The following EEFSEC variants were observed in gnomAD, a reference collection of about 807,000 sequenced individuals.
EEFSEC encodes the protein selenocysteine-specific elongation factor.
Under a neutral mutation model 42.1 loss-of-function variants are expected in EEFSEC, and 43 were observed. That is an observed-to-expected ratio of 1.02 (90% CI 0.80 to 1.32). EEFSEC has a LOEUF of 1.32. Among genes scored for constraint, EEFSEC ranks in the 40% most tolerant of loss-of-function variants. EEFSEC has a pLI of 0.00. For missense variants in EEFSEC, 745 were observed against 803.6 expected (o/e 0.93, Z 0.88); for synonymous variants, 354 against 339.1 (o/e 1.04, Z -0.48).
rs757850564 is a variant in EEFSEC at position 128,341,369 on chromosome 3, C to T, written c.923C>T (p.Ser308Phe). 17 of 1,614,070 alleles carry T rather than the reference C, an allele frequency of 1.1e-5. No homozygotes were observed. In the South Asian group the frequency reaches 1.9e-4, roughly 18 times the overall value. Residue 308 changes from serine (S) to phenylalanine (F), a missense_variant, in exon 5 of 7, where the codon TCC becomes TTC. Transcript: ENST00000254730. ...CGCGGGTTGGTGTGTGCCCCCGAGT[C>T]CCTGCACACTGTCCATGCGGCCCTC... ...LERGLVCAPE[S>F]LHTVHAALIS...
chr3:128,341,121 C>T (rs1576652648), intron 4 of EEFSEC, 112 bp from the exon 5 acceptor site: 13 of 1,326,356 alleles, frequency 9.8e-6, no homozygotes, highest in African/African-American at 2.9e-5. Context: ...CTGGTCCTCA[C>T]GGTGCCTGCA....
At chr3:128,191,757 G>C (rs1432180044) in intron 1 of EEFSEC, among the ~76,000 whole-genome samples, 1 of 152,120 alleles carries the variant, frequency 6.6e-6, no homozygotes, top group African/African-American at 2.4e-5. Flanking sequence ...TGTCCTCAAG[G>C]TTCATCCACG....
chr3:128,334,994 T>G (rs2067174562), intron 4 of EEFSEC, among the ~76,000 whole-genome samples: 1 of 152,206 alleles, frequency 6.6e-6, no homozygotes, highest in African/African-American at 2.4e-5. Context: ...TGGTAGACTC[T>G]TTACCCTTGG....
intron 1 of EEFSEC, among the ~76,000 whole-genome samples, chr3:128,197,580 C>T (rs1049656751): frequency 1.2e-4 from 18 of 152,132 alleles, no homozygotes; most frequent in Non-Finnish European, 2.5e-4. Context: ...GCCGGAAATA[C>T]GCATTTTTAC....
chr3:128,406,593 A>G (rs939740592), intron 6 of EEFSEC, among the ~76,000 whole-genome samples: 1 of 152,190 alleles, frequency 6.6e-6, no homozygotes, highest in African/African-American at 2.4e-5. Flanking sequence ...CAAAATGTAT[A>G]CATATATTAA....
chr3:128,357,630 G>A (rs764016889), intron 5 of EEFSEC, among the ~76,000 whole-genome samples: 6 of 152,172 alleles, frequency 3.9e-5, no homozygotes, highest in Non-Finnish European at 7.4e-5. Flanking sequence ...CAGCGGGTGG[G>A]AGACAAAGGC....
chr3:128,408,281 G>A lies in EEFSEC; in HGVS notation c.*22G>A, dbSNP rs547019247. ...CTGAGTGTCCGGTGACCTCCCCCAG[G>A]GCCTCCTTGCCCAGCCCAGTCCAGG... On this transcript the variant is annotated 3_prime_UTR_variant, in exon 7 of 7. Coordinates refer to ENST00000254730, the MANE Select transcript of EEFSEC (RefSeq NM_021937.5). The A allele has an allele frequency of 4.5e-6, 7 of 1,538,714 alleles. No homozygotes were observed. In the South Asian group the frequency reaches 8.7e-5, roughly 19 times the overall value.
intron 4 of EEFSEC, among the ~76,000 whole-genome samples, chr3:128,331,391 A>C (rs1266223238): frequency 6.0e-5 from 3 of 50,182 alleles, no homozygotes; most frequent in African/African-American, 8.4e-5. Context: ...TGCATCTCTC[A>C]TCTTCCCCCC....
intron 1 of EEFSEC, among the ~76,000 whole-genome samples, chr3:128,211,843 CTTTTCTTTTTTTTT>C (rs1182865090): frequency 3.8e-5 from 3 of 79,842 alleles, no homozygotes; most frequent in Non-Finnish European, 7.5e-5. Flanking sequence ...TTTTCTTTTT[CTTTTCTTTTTTTTT>C]TTTTTTTTTT....
At chr3:128,236,057 C>T (rs574224917) in intron 1 of EEFSEC, among the ~76,000 whole-genome samples, 1 of 152,204 alleles carries the variant, frequency 6.6e-6, no homozygotes, top group Non-Finnish European at 1.5e-5. Context: ...CTCCGCCTCC[C>T]GGGTTCAAGT....
chr3:128,341,693 T>G lies in EEFSEC; in HGVS notation c.1247T>G (p.Phe416Cys). The G allele has an allele frequency of 6.2e-7, 1 of 1,614,046 alleles. No homozygotes were observed. The highest frequency in any genetic ancestry group is 8.5e-7 in the Non-Finnish European group (1 of 1,180,016). ...CGGCAGCAGTGGGCCCTGGTGGAGT[T>G]TGAGAAGCCCGTCACCTGCCCTCGG... The part of the protein sequence containing the change: ...CPRQQWALVE[F>C]EKPVTCPRLC... The change falls in exon 5 of 7, where the codon TTT becomes TGT. Residue 416 changes from phenylalanine (F) to cysteine (C), a missense_variant. By Grantham distance (205) the Phe-to-Cys change is radical. Coordinates refer to ENST00000254730, the MANE Select transcript of EEFSEC (RefSeq NM_021937.5).
chr3:128,356,555 T>G (rs1735546), intron 5 of EEFSEC, among the ~76,000 whole-genome samples: 63,759 of 152,072 alleles, frequency 0.42, 16,519 homozygotes, highest in African/African-American at 0.73. Context: ...CTGGTGTGTG[T>G]GTAGAAGAAA....
intron 5 of EEFSEC, among the ~76,000 whole-genome samples, chr3:128,353,681 G>A (rs1484099169): frequency 2.6e-5 from 4 of 152,144 alleles, no homozygotes; most frequent in African/African-American, 2.4e-5. Context: ...TTGCTGCTTC[G>A]GCACCTCCCG....
At chr3:128,220,860 G>A (rs982699960) in intron 1 of EEFSEC, among the ~76,000 whole-genome samples, 1 of 152,230 alleles carries the variant, frequency 6.6e-6, no homozygotes, top group African/African-American at 2.4e-5. Context: ...TGGCTGGGCG[G>A]TGGGACAGAT....
intron 4 of EEFSEC, among the ~76,000 whole-genome samples, chr3:128,336,432 T>G (rs1447628349): frequency 1.3e-5 from 2 of 152,204 alleles, no homozygotes; most frequent in Non-Finnish European, 2.9e-5. Flanking sequence ...GTGTCATTCC[T>G]CTGCCATCCC....
At chr3:128,415,556 C>T in the EEFSEC span, among the ~76,000 whole-genome samples, 5 of 152,340 alleles carry the variant, frequency 3.3e-5, no homozygotes, top group East Asian at 1.9e-4. Flanking sequence ...GATCCACTCC[C>T]GCACTGGCCA....
chr3:128,293,948 A>C (rs1361388135), intron 4 of EEFSEC, among the ~76,000 whole-genome samples: 3 of 152,198 alleles, frequency 2.0e-5, no homozygotes, highest in Admixed American at 2.0e-4. Flanking sequence ...GTACTCAAAG[A>C]AGTTAGGGAA....
chr3:128,281,335 G>C (rs1045400313), intron 4 of EEFSEC, among the ~76,000 whole-genome samples: 1 of 152,176 alleles, frequency 6.6e-6, no homozygotes, highest in African/African-American at 2.4e-5. Flanking sequence ...GTCCCTAGGA[G>C]TGATTGCAGC....
chr3:128,183,665 C>T (rs964848443), intron 1 of EEFSEC, among the ~76,000 whole-genome samples: 7 of 152,152 alleles, frequency 4.6e-5, no homozygotes, highest in African/African-American at 9.7e-5. Flanking sequence ...TTGTGAGAAC[C>T]GATGCGTGCA....
Sources: allele counts gnomAD v4.1 joint callset (sites outside exome capture counted in the v4.1 genomes callset), GRCh38; gene constraint gnomAD v4.1.1; transcripts MANE v1.5; gene names NCBI Gene and HGNC (gene_info 2026-07-23, HGNC 2026-07-21).